The following SRPX variants were observed in gnomAD, a reference collection of about 807,000 sequenced individuals.
The protein encoded by SRPX is sushi repeat containing protein X-linked.
In SRPX, 24 loss-of-function variants were observed where a neutral mutation model predicts 38.1. The ratio of observed to expected loss-of-function variants is 0.63; its 90% CI spans 0.46 to 0.89. SRPX has a LOEUF of 0.89. SRPX is among the 40% of genes least tolerant of loss of function. The pLI, the probability that SRPX is intolerant of heterozygous loss-of-function variation, is 0.00. For missense variants in SRPX, 416 were observed against 377.8 expected, an observed-to-expected ratio of 1.10 and a Z score of -0.84; for synonymous variants, 184 against 153.8, an observed-to-expected ratio of 1.20 and a Z score of -1.45.
At chrX:38,180,009 G>T (rs1938638219) in intron 1 of SRPX, among the ~76,000 whole-genome samples, 1 of 111,307 alleles carries the variant, frequency 9.0e-6, no homozygotes, top group African/African-American at 3.3e-5. Context: ...AAAGGCCTAT[G>T]CTCAAACCCT....
chrX:38,165,885 G>C (rs1447805421), intron 4 of SRPX, among the ~76,000 whole-genome samples: 1 of 111,805 alleles, frequency 8.9e-6, no homozygotes. Context: ...CTGGTAATAG[G>C]AGTTCTGCCT....
intron 1 of SRPX, among the ~76,000 whole-genome samples, chrX:38,192,799 G>A (rs1207150349): frequency 9.0e-6 from 1 of 111,698 alleles, no homozygotes; most frequent in East Asian, 2.8e-4. Context: ...GGGACTGGAG[G>A]GGCTGGTGAA....
Position 38,156,897 on chromosome X carries a change from T to C in SRPX, c.1088A>G (p.Gln363Arg). The change falls in exon 8 of 10, where the codon CAG becomes CGG. Residue 363 changes from glutamine (Q) to arginine (R), a missense_variant and splice_region_variant. Gln to Arg is a conservative substitution (Grantham distance 43). Coordinates refer to ENST00000378533, the MANE Select transcript of SRPX (RefSeq NM_006307.5). The part of the protein sequence containing the change: ...LLYRLQLGML[Q>R]QAQCGLDLRH... ...CTTGGCCCTGCCTCGAGGACTCACC[T>C]GCAGCATTCCTAGCTGGAGCCGGTA... is the stretch of plus-strand genomic sequence containing the variant. 2.5e-6 allele frequency: 3 copies of C among 1,210,542 alleles called. No homozygotes were observed. The highest frequency in any genetic ancestry group is 3.4e-6 in the Non-Finnish European group (3 of 894,959).
chrX:38,215,170 A>G (rs1345881116), intron 1 of SRPX, among the ~76,000 whole-genome samples: 1 of 111,985 alleles, frequency 8.9e-6, no homozygotes, highest in African/African-American at 3.2e-5. Context: ...CATTATGCTC[A>G]ATTTACAACC....
intron 1 of SRPX, among the ~76,000 whole-genome samples, chrX:38,193,979 T>G (rs775491442): frequency 1.8e-5 from 2 of 111,779 alleles, no homozygotes; most frequent in Admixed American, 1.9e-4. Context: ...GGCTCACCTT[T>G]TATTCTGAGG....
intron 1 of SRPX, among the ~76,000 whole-genome samples, chrX:38,197,827 A>G (rs763609665): frequency 1.1e-3 from 120 of 112,281 alleles, no homozygotes; most frequent in African/African-American, 3.6e-3. Context: ...GTGCAGTACC[A>G]AAAGTGAGAA....
intron 4 of SRPX, among the ~76,000 whole-genome samples, chrX:38,165,827 C>T (rs892452320): frequency 2.7e-5 from 3 of 112,108 alleles, no homozygotes; most frequent in Non-Finnish European, 5.6e-5. Flanking sequence ...TTTACTGTGG[C>T]TCTGGACCTC....
chrX:38,187,451 A>C (rs1413114172), intron 1 of SRPX, among the ~76,000 whole-genome samples: 1 of 112,272 alleles, frequency 8.9e-6, no homozygotes, highest in African/African-American at 3.2e-5. Flanking sequence ...AACTGTTGTC[A>C]AGTTTACTCT....
intron 1 of SRPX, among the ~76,000 whole-genome samples, chrX:38,183,430 C>A (rs1938708818): frequency 8.9e-6 from 1 of 111,800 alleles, no homozygotes; most frequent in Non-Finnish European, 1.9e-5. Context: ...AGTTTATTTT[C>A]AGCCTGAGCT....
At chrX:38,203,143 C>T (rs1317489332) in intron 1 of SRPX, among the ~76,000 whole-genome samples, 1 of 111,532 alleles carries the variant, frequency 9.0e-6, no homozygotes, top group Non-Finnish European at 1.9e-5. Flanking sequence ...TTAATCAATG[C>T]AACCCATGAC....
intron 4 of SRPX, among the ~76,000 whole-genome samples, chrX:38,171,471 T>C (rs1286455043): frequency 9.0e-6 from 1 of 111,297 alleles, no homozygotes; most frequent in African/African-American, 3.3e-5. Context: ...GCTGAACAAA[T>C]TGAGTGCTTG....
At chrX:38,195,237 C>T (rs894547789) in intron 1 of SRPX, among the ~76,000 whole-genome samples, 2 of 110,765 alleles carry the variant, frequency 1.8e-5, no homozygotes, top group African/African-American at 3.3e-5. Flanking sequence ...ATGATAAATA[C>T]AAAATTTAGG....
chrX:38,159,898 G>A, intron 7 of SRPX, 119 bp downstream of exon 7: 1 of 811,628 alleles, frequency 1.2e-6, no homozygotes. Context: ...CATCCACTCA[G>A]ATAAAGAGGG....
intron 4 of SRPX, among the ~76,000 whole-genome samples, chrX:38,169,685 G>A (rs144176434): frequency 4.3e-4 from 48 of 111,695 alleles, no homozygotes; most frequent in African/African-American, 1.5e-3. Context: ...AAAGACCTTT[G>A]CTGGTTTTTC....
At position 38,164,779 on chromosome X, in the gene SRPX, T is replaced by C. The variant is rs747875312; in HGVS notation, c.643A>G (p.Ile215Val). The C allele has an allele frequency of 1.4e-5, 17 of 1,208,031 alleles. No homozygotes were observed. Among genetic ancestry groups the C allele is most frequent in the Non-Finnish European group, 1.9e-5 (17 of 894,603 alleles). The change falls in exon 5 of 10, where the codon ATT becomes GTT. Residue 215 changes from isoleucine to valine, a missense_variant. Coordinates refer to ENST00000378533, the MANE Select transcript of SRPX (RefSeq NM_006307.5). ...CCAAGTTTCACTTACTCAGTAAGAA[T>C]TCCATCTGCTGTGTCTCTTCCTTCG... ...TPEGRDTADG[I>V]LTDVILKGLP...
rs1186073406 is a variant in SRPX, at chrX:38,160,014, T to C, written c.955+3A>G. The stretch of plus-strand genomic sequence containing the variant: ...CTGCAGGCTGGAGGGGCGGCATACC[T>C]ACCTGCACAGGTGGGCTCCGTGCCA... On this transcript the variant is annotated splice_donor_region_variant and intron_variant, in intron 7 of 9. Coordinates refer to ENST00000378533, the MANE Select transcript of SRPX (RefSeq NM_006307.5). The C allele has an allele frequency of 1.7e-6, 2 of 1,208,808 alleles. No individual in the cohort carries two copies. Among genetic ancestry groups the C allele is most frequent in the South Asian group, 3.6e-5 (2 of 56,307 alleles).
chrX:38,210,807 A>G (rs1353124498), intron 1 of SRPX, among the ~76,000 whole-genome samples: 1 of 112,329 alleles, frequency 8.9e-6, no homozygotes, highest in East Asian at 2.8e-4. Context: ...GACCTCCAAG[A>G]TGAGTCCTGA....
At chrX:38,178,410 C>A (rs766845482) in intron 1 of SRPX, 66 bp from the exon 2 acceptor site, 2 of 976,801 alleles carry the variant, frequency 2.0e-6, no homozygotes, top group Non-Finnish European at 2.9e-6. Flanking sequence ...TATTTCAAAG[C>A]ATTCCTTTGC....
Position 38,160,925 on chromosome X carries a change from A to T in SRPX, c.775+8T>A. ...GGGGGAAACAAAACCAATAAGCAGT[A>T]CTCTTACCTCTTACTTTAACTCGAA... On this transcript the variant is annotated splice_region_variant and intron_variant, in intron 6 of 9. Coordinates refer to ENST00000378533, the MANE Select transcript of SRPX (RefSeq NM_006307.5). 3 of 1,208,518 alleles carry T rather than the reference A, an allele frequency of 2.5e-6. No individual in the cohort carries two copies. Among genetic ancestry groups the T allele is most frequent in the Non-Finnish European group, 3.4e-6 (3 of 893,941 alleles).
Sources: gnomAD v4.1 joint callset for allele counts (sites outside exome capture counted in the v4.1 genomes callset) on GRCh38, gnomAD v4.1.1 for gene constraint, MANE v1.5 for transcripts, NCBI Gene and HGNC (gene_info 2026-07-23, HGNC 2026-07-21) for gene names.